ZFHX3: variants seen among roughly 807,000 people sequenced by gnomAD.
ZFHX3 encodes zinc finger homeobox protein 3.
In ZFHX3, 42 loss-of-function variants were observed where a neutral mutation model predicts 279.1. The observed-to-expected ratio is 0.15, with a 90% CI of 0.12 to 0.19. The LOEUF is 0.19. Among genes scored for constraint, ZFHX3 ranks in the 10% least tolerant of loss-of-function variants. ZFHX3 has a pLI of 1.00. For synonymous variants in ZFHX3, 2,293 were observed against 1,957.8 expected (o/e 1.17, Z -4.52); for missense variants, 4,981 against 4,754.0 (o/e 1.05, Z -1.40).
chr16:73,408,144 C>T (rs898709808), intron 3 of ZFHX3, among the ~76,000 whole-genome samples: 7 of 151,528 alleles, frequency 4.6e-5, no homozygotes, highest in Admixed American at 1.3e-4. Context: ...GGGATTTGGC[C>T]TGGGACCCAA....
chr16:73,194,330 G>T (rs1016961621), intron 5 of ZFHX3, among the ~76,000 whole-genome samples: 2 of 152,088 alleles, frequency 1.3e-5, no homozygotes, highest in Non-Finnish European at 2.9e-5. Flanking sequence ...CTCCAGAGTA[G>T]CTGGCACTAT....
intron 1 of ZFHX3, among the ~76,000 whole-genome samples, chr16:73,797,941 G>A (rs1469920011): frequency 6.6e-6 from 1 of 150,932 alleles, no homozygotes. Flanking sequence ...AGCCTCCCTG[G>A]GATTACAGGC....
intron 1 of ZFHX3, among the ~76,000 whole-genome samples, chr16:72,985,692 T>C (rs1230314543): frequency 6.6e-6 from 1 of 152,138 alleles, no homozygotes; most frequent in East Asian, 1.9e-4. Context: ...GTTAAAACCC[T>C]CCCTTCTCCT....
chr16:73,010,159 G>A (rs899150054), intron 1 of ZFHX3, among the ~76,000 whole-genome samples: 36 of 152,060 alleles, frequency 2.4e-4, no homozygotes, highest in African/African-American at 8.7e-4. Context: ...CTTTAACAGC[G>A]AAGATGCTGC....
intron 5 of ZFHX3, among the ~76,000 whole-genome samples, chr16:73,207,511 G>A (rs2011854061): frequency 6.6e-6 from 1 of 152,146 alleles, no homozygotes; most frequent in African/African-American, 2.4e-5. Flanking sequence ...CCAAAAGAAC[G>A]ACAGCAGTAC....
At chr16:72,848,473 G>A (rs889950875) in intron 4 of ZFHX3, among the ~76,000 whole-genome samples, 7 of 152,100 alleles carry the variant, frequency 4.6e-5, no homozygotes, top group African/African-American at 1.7e-4. Context: ...AGGAAACTCC[G>A]CTGTGGAGTA....
At chr16:73,001,209 G>C (rs1292375359) in intron 1 of ZFHX3, among the ~76,000 whole-genome samples, 2 of 152,192 alleles carry the variant, frequency 1.3e-5, no homozygotes, top group Admixed American at 1.3e-4. Context: ...GAGCTGCTCT[G>C]TGGTGAGACC....
intron 5 of ZFHX3, among the ~76,000 whole-genome samples, chr16:73,210,028 C>T (rs1240366339): frequency 1.3e-5 from 2 of 152,072 alleles, no homozygotes; most frequent in African/African-American, 4.8e-5. Context: ...TTCACTAATA[C>T]CCTGAAGTTT....
chr16:73,589,075 A>G (rs985417200), intron 2 of ZFHX3, among the ~76,000 whole-genome samples: 1 of 151,574 alleles, frequency 6.6e-6, no homozygotes, highest in Non-Finnish European at 1.5e-5. Context: ...CCTGGCTAAC[A>G]TGGTGAAACT....
At chr16:73,294,252 G>A (rs934063801) in intron 4 of ZFHX3, 2 of 152,152 alleles carry the variant, frequency 1.3e-5, no homozygotes, top group Admixed American at 1.3e-4. Context: ...TGGAAGGTGG[G>A]TGTCATCGGT....
chr16:72,871,188 T>C (rs1035724050), intron 4 of ZFHX3, among the ~76,000 whole-genome samples: 3 of 152,200 alleles, frequency 2.0e-5, no homozygotes, highest in Admixed American at 2.0e-4. Context: ...TATTTATTTA[T>C]TTTTGAGATG....
chr16:73,793,897 G>T (rs962402335), intron 1 of ZFHX3, among the ~76,000 whole-genome samples: 1 of 152,094 alleles, frequency 6.6e-6, no homozygotes, highest in African/African-American at 2.4e-5. Flanking sequence ...GCAAGCTGAG[G>T]TTCAAAAATG....
At chr16:73,653,830 T>C (rs1021867677) in intron 2 of ZFHX3, among the ~76,000 whole-genome samples, 13 of 151,488 alleles carry the variant, frequency 8.6e-5, no homozygotes, top group African/African-American at 3.2e-4. Flanking sequence ...GTAAAAGGCA[T>C]TGAAGAAAGA....
intron 4 of ZFHX3, among the ~76,000 whole-genome samples, chr16:73,316,126 G>T (rs764762041): frequency 2.0e-5 from 3 of 152,150 alleles, no homozygotes; most frequent in Admixed American, 2.0e-4. Context: ...AAATAAATCC[G>T]GAAGCTTCTA....
intron 5 of ZFHX3, among the ~76,000 whole-genome samples, chr16:73,194,582 A>C (rs1968104871): frequency 6.6e-6 from 1 of 152,178 alleles, no homozygotes; most frequent in Admixed American, 6.5e-5. Context: ...TGGTATAATA[A>C]AATTATATTA....
chr16:73,824,272 T>C (rs1489175932), intron 1 of ZFHX3, among the ~76,000 whole-genome samples: 1 of 152,202 alleles, frequency 6.6e-6, no homozygotes, highest in Non-Finnish European at 1.5e-5. Context: ...ACAGAGTTGC[T>C]TGAAGCATAG....
chr16:73,689,838 T>TTTG (rs2053130344), intron 1 of ZFHX3, among the ~76,000 whole-genome samples: 3 of 151,652 alleles, frequency 2.0e-5, no homozygotes, highest in African/African-American at 4.9e-5. Flanking sequence ...TGTTGTTGTT[T>TTTG]TTTTGAGATG....
At chr16:73,677,949 T>C (rs2052971364) in intron 2 of ZFHX3, among the ~76,000 whole-genome samples, 1 of 152,088 alleles carries the variant, frequency 6.6e-6, no homozygotes, top group African/African-American at 2.4e-5. Context: ...TCCAATGGAA[T>C]GACTCAATAT....
chr16:73,216,572 A>G (rs1179557216), intron 5 of ZFHX3, among the ~76,000 whole-genome samples: 1 of 152,162 alleles, frequency 6.6e-6, no homozygotes, highest in Non-Finnish European at 1.5e-5. Context: ...TTTACTTAGC[A>G]ATGATTACAG....
Sources: allele counts gnomAD v4.1 joint callset (sites outside exome capture counted in the v4.1 genomes callset), GRCh38; gene constraint gnomAD v4.1.1; transcripts MANE v1.5; gene names NCBI Gene and HGNC (gene_info 2026-07-23, HGNC 2026-07-21).